The following NEIL2 variants were observed in gnomAD, a reference collection of about 807,000 sequenced individuals.
The protein encoded by NEIL2 is nei like DNA glycosylase 2.
A neutral mutation model predicts 22.2 loss-of-function variants in NEIL2; 23 were observed. The ratio of observed to expected loss-of-function variants is 1.04; its 90% CI spans 0.75 to 1.47. The LOEUF (loss-of-function observed/expected upper bound fraction) is 1.47. Ranked by LOEUF, NEIL2 falls within the 40% of genes most tolerant of loss-of-function variation. The pLI, the probability that NEIL2 is intolerant of heterozygous loss-of-function variation, is 0.00. For missense variants in NEIL2, 583 were observed against 404.7 expected (o/e 1.44, Z -3.78); for synonymous variants, 229 against 164.8 (o/e 1.39, Z -2.99).
intron 3 of NEIL2, among the ~76,000 whole-genome samples, chr8:11,781,066 T>G (rs1245076073): frequency 4.6e-5 from 7 of 152,182 alleles, no homozygotes; most frequent in African/African-American, 1.7e-4. Context: ...CTTGTAGGTT[T>G]CCCCTTTTGC....
chr8:11,774,066 A>C (rs1803698457), intron 2 of NEIL2, among the ~76,000 whole-genome samples: 1 of 152,216 alleles, frequency 6.6e-6, no homozygotes, highest in South Asian at 2.1e-4. Flanking sequence ...GAGCTTGTGC[A>C]GGGGAATTAC....
chr8:11,785,739 C>T (rs1321751688), intron 4 of NEIL2, among the ~76,000 whole-genome samples: 1 of 152,118 alleles, frequency 6.6e-6, no homozygotes, highest in Admixed American at 6.6e-5. Context: ...AGCCTGTTTG[C>T]CATGACGGGC....
At position 11,779,725 on chromosome 8, in the gene NEIL2, T is replaced by C. The variant is rs968976504; in HGVS notation, c.266T>C (p.Val89Ala). 1 of 1,614,118 alleles carries C rather than the reference T, an allele frequency of 6.2e-7. No homozygotes were observed. Among genetic ancestry groups the C allele is most frequent in the Non-Finnish European group, 8.5e-7 (1 of 1,180,022 alleles). Reference protein sequence around the residue: ...QKEGAADPKQVGEPSGQKTLD... With the variant: ...QKEGAADPKQAGEPSGQKTLD... ...GAAGGGGCTGCGGACCCAAAGCAGG[T>C]CGGGGAGCCCAGCGGGCAGAAGACC... Residue 89 changes from valine (V) to alanine (A), a missense_variant, in exon 3 of 5, where the codon GTC becomes GCC. Transcript: ENST00000284503.
In NEIL2 at chr8:11,783,547, C is replaced by A. The variant is rs8191644; in HGVS notation, c.688+148C>A. ...TTGCTCAATCTCCTTTCTTTTACTTCCCTTGTTTTTAGACTGAGGGCATTA... is the reference window on the plus strand; with the variant it reads ...TTGCTCAATCTCCTTTCTTTTACTTACCTTGTTTTTAGACTGAGGGCATTA... On this transcript the variant is annotated intron_variant, in intron 4 of 4. Transcript: ENST00000284503. 8.2e-3 allele frequency: 5,915 copies of A among 718,058 alleles called. 236 individuals are homozygous for A. The African/African-American group carries it at 0.091, about 11-fold the overall frequency. 44.5% of individuals were successfully genotyped at this position (718,058 alleles called of 1,614,324 possible). A position where few individuals can be genotyped will look rare whatever the true frequency, so the allele number is the denominator to read the frequency against.
chr8:11,774,397 A>G (rs804260), intron 2 of NEIL2, among the ~76,000 whole-genome samples: 102,688 of 151,990 alleles, frequency 0.68, 35,495 homozygotes, highest in East Asian at 0.98. Context: ...CAAAAAACCC[A>G]TCAGATCTCT....
chr8:11,786,390 C>T lies in NEIL2; in HGVS notation c.*117C>T, dbSNP rs1393491666. 2.0e-6 allele frequency: 2 copies of T among 984,182 alleles called. No individual in the cohort carries two copies. Among genetic ancestry groups the T allele is most frequent in the African/African-American group, 1.6e-5 (1 of 62,222 alleles). The allele number at this position is 984,182 out of a possible 1,614,324, so 61.0% of individuals were successfully genotyped here. On this transcript the variant is annotated 3_prime_UTR_variant, in exon 5 of 5. Transcript: ENST00000284503. ...AGAGGATAGTGTGGGTCAGAGGTGC[C>T]AGTAGTATAATATTCGTCTCCCTGG...
intron 2 of NEIL2, among the ~76,000 whole-genome samples, chr8:11,778,877 A>G (rs1160380953): frequency 1.5e-5 from 2 of 132,802 alleles, no homozygotes; most frequent in African/African-American, 5.5e-5. Flanking sequence ...ACTTGAACCC[A>G]GGAGATGGAG....
chr8:11,775,033 G>A (rs1803787259), intron 2 of NEIL2, among the ~76,000 whole-genome samples: 1 of 152,244 alleles, frequency 6.6e-6, no homozygotes, highest in Non-Finnish European at 1.5e-5. Context: ...CTACCATTCT[G>A]GGGTCTGGAG....
chr8:11,784,051 A>G (rs1296915155), intron 4 of NEIL2, among the ~76,000 whole-genome samples: 1 of 151,100 alleles, frequency 6.6e-6, no homozygotes, highest in Non-Finnish European at 1.5e-5. Context: ...TATTACTCAC[A>G]GTAGGGGAAT....
chr8:11,784,704 G>T (rs541661368), intron 4 of NEIL2, among the ~76,000 whole-genome samples: 1 of 152,318 alleles, frequency 6.6e-6, no homozygotes, highest in Non-Finnish European at 1.5e-5. Context: ...TGCAATGAAT[G>T]CCTGGTGGAG....
chr8:11,783,187 T>G lies in NEIL2; in HGVS notation c.492-16T>G, dbSNP rs1163383209. 6.2e-7 allele frequency: 1 copy of G among 1,613,030 alleles called. No homozygotes were observed. The highest frequency in any genetic ancestry group is 1.3e-5 in the African/African-American group (1 of 74,924). The stretch of plus-strand genomic sequence containing the variant: ...GTGGTAACGATGTGTACATATGACC[T>G]GTTCTTTCTTCCCAGGTTGGTCCTG... On this transcript the variant is annotated splice_polypyrimidine_tract_variant and intron_variant, in intron 3 of 4. Coordinates refer to ENST00000284503, the MANE Select transcript of NEIL2 (RefSeq NM_145043.4).
rs112571121 is a variant in NEIL2, at chr8:11,772,710, C to G, written c.138+1125C>G. Among the ~76,000 whole-genome samples the G allele has an allele frequency of 2.6e-5, 4 of 152,280 alleles. No individual in the cohort carries two copies. In the South Asian group the frequency reaches 8.3e-4, roughly 32 times the overall value. On this transcript the variant is annotated intron_variant, in intron 2 of 4. Coordinates refer to ENST00000284503, the MANE Select transcript of NEIL2 (RefSeq NM_145043.4). ...GCTGAGTGCCGGCACGTAGGAAGCA[C>G]GGGTGGTGCCTGTGGATGAGCTCAC...
intron 4 of NEIL2, among the ~76,000 whole-genome samples, chr8:11,785,395 C>A (rs1804818887): frequency 1.3e-5 from 2 of 151,014 alleles, no homozygotes; most frequent in African/African-American, 2.4e-5. Flanking sequence ...GGGGTTTCAC[C>A]ATGTTGTCCA....
At chr8:11,772,711 G>A (rs953327662) in intron 2 of NEIL2, among the ~76,000 whole-genome samples, 36 of 152,202 alleles carry the variant, frequency 2.4e-4, no homozygotes, top group African/African-American at 8.7e-4. Context: ...TAGGAAGCAC[G>A]GGTGGTGCCT....
intron 2 of NEIL2, among the ~76,000 whole-genome samples, chr8:11,772,268 G>A (rs1204079556): frequency 1.3e-5 from 2 of 152,288 alleles, no homozygotes; most frequent in Non-Finnish European, 2.9e-5. Context: ...CCTTCCAGGG[G>A]CTCACGGAGC....
chr8:11,780,569 G>A (rs558258702), intron 3 of NEIL2, among the ~76,000 whole-genome samples: 49 of 152,230 alleles, frequency 3.2e-4, no homozygotes, highest in Middle Eastern at 6.8e-3. Context: ...AATAGAGACG[G>A]GGTTTCACCA....
chr8:11,771,060 G>T (rs1029596207), intron 1 of NEIL2, among the ~76,000 whole-genome samples: 2 of 152,152 alleles, frequency 1.3e-5, no homozygotes, highest in Non-Finnish European at 2.9e-5. Context: ...GGAGCAGGGG[G>T]ACAGAGAAAG....
chr8:11,779,861 C>G lies in NEIL2; in HGVS notation c.402C>G (p.Ser134Arg), dbSNP rs576426897. ...AGDAGRWLRV[S>R]FGLFGSVWVN... ...ATGCTGGGAGGTGGCTGCGTGTCAG[C>G]TTTGGTTTGTTTGGCAGCGTTTGGG... Residue 134 changes from serine to arginine, a missense_variant, in exon 3 of 5, where the codon AGC (serine) becomes AGG (arginine). Physicochemically the swap from Ser to Arg is moderately radical, Grantham distance 110. Transcript: ENST00000284503. 7 of 1,613,976 alleles carry G rather than the reference C, an allele frequency of 4.3e-6. No individual in the cohort carries two copies. Among genetic ancestry groups the G allele is most frequent in the South Asian group, 1.1e-5 (1 of 91,080 alleles).
chr8:11,786,173 A>G lies in NEIL2; in HGVS notation c.899A>G (p.Glu300Gly). ...QCPAGHQVMK[E>G]AFGPEDGLQR... ...CCTGCTGGCCACCAGGTCATGAAGG[A>G]GGCGTTTGGGCCCGAAGATGGGTTA... The change falls in exon 5 of 5, where the codon GAG (glutamate) becomes GGG (glycine). Residue 300 changes from glutamate to glycine, a missense_variant. By Grantham distance (98) the Glu-to-Gly change is moderately conservative. Coordinates refer to ENST00000284503, the MANE Select transcript of NEIL2 (RefSeq NM_145043.4). 1 of 1,613,888 alleles carries G rather than the reference A, an allele frequency of 6.2e-7. No homozygotes were observed. The highest frequency in any genetic ancestry group is 2.2e-5 in the East Asian group (1 of 44,866).
Sources: allele counts gnomAD v4.1 joint callset (sites outside exome capture counted in the v4.1 genomes callset), GRCh38; gene constraint gnomAD v4.1.1; transcripts MANE v1.5; gene names NCBI Gene and HGNC (gene_info 2026-07-23, HGNC 2026-07-21).